C20orf203: variants seen among roughly 807,000 people sequenced by gnomAD.
The protein encoded by C20orf203 is uncharacterized protein C20orf203.
A neutral mutation model predicts 15.9 loss-of-function variants in C20orf203; 16 were observed. The observed-to-expected ratio is 1.01, with a 90% confidence interval of 0.68 to 1.53. The LOEUF is 1.53. Ranked by LOEUF, C20orf203 falls within the 40% of genes most tolerant of loss-of-function variation. C20orf203 has a pLI of 0.00. For synonymous variants in C20orf203, 98 were observed against 97.2 expected, an observed-to-expected ratio of 1.01 and a Z score of -0.05; for missense variants, 263 against 247.5, an observed-to-expected ratio of 1.06 and a Z score of -0.42.
intron 5 of C20orf203, among the ~76,000 whole-genome samples, chr20:32,634,664 AC>A (rs1331139771): frequency 6.6e-6 from 1 of 152,198 alleles, no homozygotes; most frequent in African/African-American, 2.4e-5. Flanking sequence ...TCAAAGGGCC[AC>A]CACCGGCTGG....
intron 4 of C20orf203, among the ~76,000 whole-genome samples, chr20:32,647,862 C>T (rs1982480557): frequency 6.6e-6 from 1 of 152,200 alleles, no homozygotes; most frequent in African/African-American, 2.4e-5. Flanking sequence ...TCCCCAGCCT[C>T]ACCACCCACG....
At chr20:32,656,181 G>A (rs941127222) in intron 1 of C20orf203, among the ~76,000 whole-genome samples, 1 of 152,198 alleles carries the variant, frequency 6.6e-6, no homozygotes, top group African/African-American at 2.4e-5. Context: ...AAATTACTCA[G>A]TCTCAGCTAT....
At chr20:32,646,977 G>T (rs981884331) in intron 4 of C20orf203, among the ~76,000 whole-genome samples, 3 of 152,170 alleles carry the variant, frequency 2.0e-5, no homozygotes, top group Admixed American at 1.3e-4. Flanking sequence ...GGCCAGGAGG[G>T]TCTCTCCATC....
intron 5 of C20orf203, among the ~76,000 whole-genome samples, chr20:32,639,627 T>TAAA (rs11353903): frequency 2.3e-5 from 3 of 129,240 alleles, no homozygotes; most frequent in Non-Finnish European, 3.2e-5. Context: ...TTTTAAATAG[T>TAAA]AAAAAAAAAA....
chr20:32,648,242 C>T (rs150335641), intron 4 of C20orf203, among the ~76,000 whole-genome samples: 152 of 152,074 alleles, frequency 1.0e-3, no homozygotes, highest in East Asian at 4.7e-3. Flanking sequence ...CCCATCCTGC[C>T]TCCAGGCCTT....
chr20:32,665,004 T>C (rs566982841), intron 1 of C20orf203, among the ~76,000 whole-genome samples: 69 of 152,222 alleles, frequency 4.5e-4, no homozygotes, highest in Non-Finnish European at 8.7e-4. Context: ...CTGGCTGCAC[T>C]AGTGTTTACC....
chr20:32,666,155 T>TAAAAAAAAAAAAAAAAAAA (rs147487671), intron 1 of C20orf203, among the ~76,000 whole-genome samples: 6 of 102,778 alleles, frequency 5.8e-5, no homozygotes, highest in Admixed American at 1.1e-4. Flanking sequence ...ATAAATAAAG[T>TAAAAAAAAAAAAAAAAAAA]AAAAAAAAAA....
At chr20:32,637,694 T>A (rs1326527692) in intron 5 of C20orf203, among the ~76,000 whole-genome samples, 9 of 152,252 alleles carry the variant, frequency 5.9e-5, no homozygotes, top group Non-Finnish European at 1.2e-4. Flanking sequence ...TCTGTTTTGA[T>A]CACTGAGGTA....
rs1026409886 is a variant in C20orf203 at position 32,633,608 on chromosome 20, C to T, written c.*1962G>A. ...AAAGGCATGAATGAAGTATTATTAT[C>T]CTCATTTTATGGGAAAAACTGAGGC... On this transcript the variant is annotated 3_prime_UTR_variant, in exon 6 of 6. Coordinates refer to ENST00000608990, the MANE Select transcript of C20orf203 (RefSeq NM_182584.4). 3 of 166,316 alleles carry T rather than the reference C, an allele frequency of 1.8e-5. No individual in the cohort carries two copies. The allele number at this position is 166,316 out of a possible 1,614,324, so 10.3% of individuals were successfully genotyped here.
intron 1 of C20orf203, among the ~76,000 whole-genome samples, chr20:32,662,001 A>T (rs1982900930): frequency 6.6e-6 from 1 of 152,200 alleles, no homozygotes; most frequent in Non-Finnish European, 1.5e-5. Context: ...GGACTTGCCC[A>T]AGAGCACCAC....
At chr20:32,653,825 G>T (rs1046423559) in intron 1 of C20orf203, among the ~76,000 whole-genome samples, 1 of 152,176 alleles carries the variant, frequency 6.6e-6, no homozygotes, top group Non-Finnish European at 1.5e-5. Flanking sequence ...GGGAGCAGTG[G>T]CTCATGCCTG....
At position 32,651,100 on chromosome 20, in the gene C20orf203, T is replaced by G; in HGVS notation, c.53A>C (p.Gln18Pro). 2 of 1,458,326 alleles carry G rather than the reference T, an allele frequency of 1.4e-6. No homozygotes were observed. The highest frequency in any genetic ancestry group is 1.8e-6 in the Non-Finnish European group (2 of 1,083,850). The allele number at this position is 1,458,326 out of a possible 1,614,324, so 90.3% of individuals were successfully genotyped here. Residue 18 changes from glutamine to proline, a missense_variant, in exon 3 of 6, where the codon CAG (glutamine) becomes CCG (proline). Transcript: ENST00000608990. ...CCTGTGATCCAGCATGTTGGGAGGCTGAGGCAGGAGAATCGCTTGAGCCCG... is the reference window on the plus strand; with the variant it reads ...CCTGTGATCCAGCATGTTGGGAGGCGGAGGCAGGAGAATCGCTTGAGCCCG... ...NSRAQAILLPQPPNMLDHRQW... is the reference protein window; with the variant it reads ...NSRAQAILLPPPPNMLDHRQW...
At chr20:32,645,027 C>T (rs916899466) in intron 4 of C20orf203, among the ~76,000 whole-genome samples, 1 of 152,032 alleles carries the variant, frequency 6.6e-6, no homozygotes, top group Non-Finnish European at 1.5e-5. Context: ...ACACCTCGCT[C>T]TCCAGGCCCC....
rs1600932544 is a variant in C20orf203, at chr20:32,650,498, C to T, written c.519G>A (p.Lys173=). 6 of 1,550,450 alleles carry T rather than the reference C, an allele frequency of 3.9e-6. No individual in the cohort carries two copies. Among genetic ancestry groups the T allele is most frequent in the Non-Finnish European group, 4.4e-6 (5 of 1,146,968 alleles). ...QDFCLPSLPG[K]LPAPLISKQQ... ...GCTTGCTAATTAAAGGTGCAGGCAA[C>T]TTGCCTGGCAAGGATGGGAGGCAGA... The change falls in exon 4 of 6, where the codon AAG becomes AAA. Residue 173 remains lysine, a synonymous_variant. Transcript: ENST00000608990.
intron 4 of C20orf203, among the ~76,000 whole-genome samples, chr20:32,644,798 G>A (rs1452882454): frequency 6.6e-6 from 1 of 152,134 alleles, no homozygotes; most frequent in African/African-American, 2.4e-5. Context: ...GTCAAGGGAG[G>A]AGACTGACAT....
Position 32,650,899 on chromosome 20 carries a change from C to T in C20orf203, c.136-18G>A. On this transcript the variant is annotated intron_variant, in intron 3 of 5. Coordinates refer to ENST00000608990, the MANE Select transcript of C20orf203 (RefSeq NM_182584.4). ...GATGTGGCCTGTTGGGAACAAGGCC[C>T]CCAAGAAGATCATAGAATCTTAGTA... is the stretch of plus-strand genomic sequence containing the variant. 1.4e-6 allele frequency: 2 copies of T among 1,444,666 alleles called. No individual in the cohort carries two copies. The highest frequency in any genetic ancestry group is 1.8e-4 in the Middle Eastern group (1 of 5,486). 89.5% of individuals were successfully genotyped at this position (1,444,666 alleles called of 1,614,324 possible). A position where few individuals can be genotyped will look rare whatever the true frequency, so the allele number is the denominator to read the frequency against.
chr20:32,636,603 G>A (rs1055874844), intron 5 of C20orf203, among the ~76,000 whole-genome samples: 2 of 152,072 alleles, frequency 1.3e-5, no homozygotes, highest in African/African-American at 4.8e-5. Context: ...CTGCCTCATC[G>A]CTCACTGAGC....
intron 4 of C20orf203, among the ~76,000 whole-genome samples, chr20:32,642,547 G>A (rs1159849057): frequency 6.6e-6 from 1 of 152,230 alleles, no homozygotes; most frequent in Non-Finnish European, 1.5e-5. Context: ...TTGTGTCCTT[G>A]GTGGCAGTAA....
chr20:32,661,892 A>G (rs1282421016), intron 1 of C20orf203, among the ~76,000 whole-genome samples: 1 of 152,198 alleles, frequency 6.6e-6, no homozygotes, highest in Non-Finnish European at 1.5e-5. Flanking sequence ...ATCAGCTCAT[A>G]GGTAGCACTA....
Sources: allele counts gnomAD v4.1 joint callset (sites outside exome capture counted in the v4.1 genomes callset), GRCh38; gene constraint gnomAD v4.1.1; transcripts MANE v1.5; gene names NCBI Gene and HGNC (gene_info 2026-07-23, HGNC 2026-07-21).